CCSER1: variants seen among roughly 807,000 people sequenced by gnomAD.
The protein encoded by CCSER1 is coiled-coil serine rich protein 1.
Under a neutral mutation model 82.0 loss-of-function variants are expected in CCSER1, and 41 were observed. The observed-to-expected ratio is 0.50, with a 90% CI of 0.39 to 0.65. The LOEUF (loss-of-function observed/expected upper bound fraction) is 0.65. Among genes scored for constraint, CCSER1 ranks in the 30% least tolerant of loss-of-function variants. The pLI, the probability that CCSER1 is intolerant of heterozygous loss-of-function variation, is 0.00. For missense variants in CCSER1, 1,119 were observed against 1,064.2 expected (o/e 1.05, Z -0.72); for synonymous variants, 414 against 383.9 (o/e 1.08, Z -0.92).
intron 10 of CCSER1, among the ~76,000 whole-genome samples, chr4:91,152,538 T>C (rs1730337659): frequency 6.6e-6 from 1 of 152,258 alleles, no homozygotes; most frequent in African/African-American, 2.4e-5. Context: ...AATATTGTTA[T>C]GTGTGAATTT....
At chr4:91,205,326 C>T (rs1736253696) in intron 10 of CCSER1, among the ~76,000 whole-genome samples, 1 of 151,740 alleles carries the variant, frequency 6.6e-6, no homozygotes, top group South Asian at 2.1e-4. Flanking sequence ...AATACGTGAC[C>T]TCAATTATTG....
chr4:91,394,825 TAG>T (rs985064143), intron 10 of CCSER1, among the ~76,000 whole-genome samples: 5 of 151,194 alleles, frequency 3.3e-5, no homozygotes, highest in African/African-American at 9.7e-5. Flanking sequence ...AAATGTATAA[TAG>T]AGAAAAAGAA....
chr4:91,077,547 G>A (rs954180899), intron 9 of CCSER1, among the ~76,000 whole-genome samples: 11 of 152,172 alleles, frequency 7.2e-5, no homozygotes, highest in African/African-American at 1.4e-4. Flanking sequence ...TGTGAATGAC[G>A]AAGAAGACGG....
At chr4:90,963,428 A>T (rs954372642) in intron 9 of CCSER1, among the ~76,000 whole-genome samples, 3 of 152,038 alleles carry the variant, frequency 2.0e-5, no homozygotes, top group African/African-American at 7.2e-5. Context: ...TTTGTTATGG[A>T]CTGATTTGTG....
chr4:90,339,292 G>A (rs1445821734), intron 3 of CCSER1, among the ~76,000 whole-genome samples: 4 of 152,066 alleles, frequency 2.6e-5, no homozygotes, highest in Admixed American at 2.6e-4. Flanking sequence ...GCCATATGTC[G>A]GGGTGGCCTC....
intron 10 of CCSER1, among the ~76,000 whole-genome samples, chr4:91,294,107 G>A (rs1361941232): frequency 6.6e-6 from 1 of 151,846 alleles, no homozygotes; most frequent in Non-Finnish European, 1.5e-5. Flanking sequence ...TGAAAATTGT[G>A]TGTCTGACTT....
intron 10 of CCSER1, among the ~76,000 whole-genome samples, chr4:91,266,442 G>A (rs1327621221): frequency 2.0e-5 from 3 of 151,832 alleles, no homozygotes; most frequent in Admixed American, 1.3e-4. Context: ...TAGTAGAGAC[G>A]GGGTTTCACC....
At chr4:91,477,702 T>C (rs1055671441) in intron 10 of CCSER1, among the ~76,000 whole-genome samples, 7 of 151,726 alleles carry the variant, frequency 4.6e-5, no homozygotes, top group Non-Finnish European at 1.0e-4. Flanking sequence ...ACTTCCAAAG[T>C]GTACTGAAAA....
chr4:90,878,099 G>A (rs572864446), intron 8 of CCSER1, among the ~76,000 whole-genome samples: 1 of 152,066 alleles, frequency 6.6e-6, no homozygotes, highest in Non-Finnish European at 1.5e-5. Flanking sequence ...GTGATCCATT[G>A]TGAAACTGAA....
chr4:91,454,091 C>T (rs1756011545), intron 10 of CCSER1, among the ~76,000 whole-genome samples: 1 of 152,054 alleles, frequency 6.6e-6, no homozygotes, highest in Non-Finnish European at 1.5e-5. Context: ...TAATCAAGAA[C>T]ATGGAACTAT....
chr4:91,162,604 C>G (rs1244985969), intron 10 of CCSER1, among the ~76,000 whole-genome samples: 2 of 152,164 alleles, frequency 1.3e-5, no homozygotes, highest in African/African-American at 4.8e-5. Flanking sequence ...GCCTCAATTT[C>G]AGAGCCTGTT....
At chr4:90,166,598 A>C (rs920211541) in intron 1 of CCSER1, among the ~76,000 whole-genome samples, 8 of 152,154 alleles carry the variant, frequency 5.3e-5, no homozygotes, top group South Asian at 2.1e-4. Context: ...TAAAATGCCT[A>C]TATAAGTTTA....
intron 7 of CCSER1, among the ~76,000 whole-genome samples, chr4:90,798,235 C>T (rs1176173498): frequency 6.6e-6 from 1 of 152,074 alleles, no homozygotes; most frequent in East Asian, 1.9e-4. Flanking sequence ...GTCCTCAATT[C>T]ATGAGATTCT....
chr4:90,500,763 A>G (rs1560619556), intron 5 of CCSER1, among the ~76,000 whole-genome samples: 1 of 152,206 alleles, frequency 6.6e-6, no homozygotes, highest in Non-Finnish European at 1.5e-5. Flanking sequence ...TATTTTTATT[A>G]TAAAGTTTGA....
intron 1 of CCSER1, among the ~76,000 whole-genome samples, chr4:90,274,077 C>G (rs1467270893): frequency 2.0e-5 from 3 of 152,146 alleles, no homozygotes; most frequent in Non-Finnish European, 4.4e-5. Flanking sequence ...GTGCATACTA[C>G]TCATGTATGT....
intron 4 of CCSER1, among the ~76,000 whole-genome samples, chr4:90,425,651 C>T (rs1757421092): frequency 6.6e-6 from 1 of 152,188 alleles, no homozygotes; most frequent in Admixed American, 6.5e-5. Context: ...TCTTATCATC[C>T]ATTCTCTGTA....
chr4:90,334,353 A>T (rs576626610), intron 3 of CCSER1, among the ~76,000 whole-genome samples: 205 of 151,746 alleles, frequency 1.4e-3, no homozygotes, highest in Non-Finnish European at 2.2e-3. Context: ...GCACAAACAG[A>T]TAGGCCTTCT....
rs138475347 is a variant in CCSER1, at chr4:90,617,262, G to A, written c.1725-10763G>A. Among the ~76,000 whole-genome samples the A allele has an allele frequency of 3.3e-5, 5 of 152,012 alleles. No homozygotes were observed. In the East Asian group the frequency reaches 9.7e-4, roughly 29 times the overall value. ...TTTTTTTCTGTTATCCTTTCTAAAT[G>A]GGCAGTTATCTCTGAAGAGGAAAGA... is the stretch of plus-strand genomic sequence containing the variant. On this transcript the variant is annotated intron_variant, in intron 5 of 10. Coordinates refer to ENST00000509176, the MANE Select transcript of CCSER1 (RefSeq NM_001145065.2).
At chr4:90,168,594 T>G (rs1193262066) in intron 1 of CCSER1, among the ~76,000 whole-genome samples, 8 of 152,100 alleles carry the variant, frequency 5.3e-5, no homozygotes, top group Non-Finnish European at 1.2e-4. Flanking sequence ...TCTTCTAGGG[T>G]TTTTATGGTT....
Sources: gnomAD v4.1 joint callset for allele counts (sites outside exome capture counted in the v4.1 genomes callset) on GRCh38, gnomAD v4.1.1 for gene constraint, MANE v1.5 for transcripts, NCBI Gene and HGNC (gene_info 2026-07-23, HGNC 2026-07-21) for gene names.